The following CA10 variants were observed in gnomAD, a reference collection of about 807,000 sequenced individuals.
The protein encoded by CA10 is carbonic anhydrase 10 (inactive).
In CA10, 14 loss-of-function variants were observed where a neutral mutation model predicts 44.2. The observed-to-expected ratio is 0.32, with a 90% CI of 0.21 to 0.50. The LOEUF (loss-of-function observed/expected upper bound fraction) is 0.50, where lower values mean the gene tolerates loss of function less well. Ranked by LOEUF, CA10 falls within the 20% of genes least tolerant of loss-of-function variation. CA10 has a pLI of 0.99. For missense variants in CA10, 350 were observed against 409.7 expected (o/e 0.85, Z 1.26); for synonymous variants, 159 against 141.6 (o/e 1.12, Z -0.87).
At chr17:52,107,330 G>A (rs1228291268) in intron 1 of CA10, among the ~76,000 whole-genome samples, 1 of 152,112 alleles carries the variant, frequency 6.6e-6, no homozygotes, top group Non-Finnish European at 1.5e-5. Flanking sequence ...AATATGTTAG[G>A]ACTCAATTCA....
In CA10 at chr17:51,788,024, T is replaced by C. The variant is rs1314818758; in HGVS notation, c.280-40206A>G. ...TAGGGTTGGTTTGCTCTTGCTTTTC[T>C]AGTTCTTTAAGATACATGGTTAGGT... On this transcript the variant is annotated intron_variant, in intron 3 of 8. Transcript: ENST00000451037. Among the ~76,000 whole-genome samples, 5 of 152,202 alleles carry C rather than the reference T, an allele frequency of 3.3e-5. No individual in the cohort carries two copies. The South Asian group carries it at 8.3e-4, about 25-fold the overall frequency.
chr17:51,940,621 C>T (rs8064291), intron 2 of CA10, among the ~76,000 whole-genome samples: 20,202 of 151,282 alleles, frequency 0.13, 1,682 homozygotes, highest in South Asian at 0.3. Context: ...CCCTGATTCT[C>T]ACCAGTCTTA....
At chr17:51,790,619 T>A (rs1219538583) in intron 3 of CA10, among the ~76,000 whole-genome samples, 1 of 152,208 alleles carries the variant, frequency 6.6e-6, no homozygotes, top group Admixed American at 6.5e-5. Context: ...AGAGATTCCG[T>A]CTACTCATCT....
At chr17:51,691,004 A>G (rs1246023854) in intron 4 of CA10, among the ~76,000 whole-genome samples, 1 of 152,106 alleles carries the variant, frequency 6.6e-6, no homozygotes, top group African/African-American at 2.4e-5. Flanking sequence ...TTAATTTCAT[A>G]TCTTAGCTAT....
Position 51,905,526 on chromosome 17 carries a change from C to CTT in CA10, c.279+25462_279+25463dup, listed in dbSNP as rs34606778. 3.3e-3 allele frequency among the ~76,000 whole-genome samples: 330 copies of CTT among 99,772 alleles called. 4 individuals carry two copies. Among genetic ancestry groups the CTT allele is most frequent in the African/African-American group, 0.012 (232 of 19,834 alleles). 65.5% of individuals were successfully genotyped at this position (99,772 alleles called of 152,430 possible). On this transcript the variant is annotated intron_variant, in intron 3 of 8. Coordinates refer to ENST00000451037, the MANE Select transcript of CA10 (RefSeq NM_020178.5). ...TTATGGCCCATCATCCCTATCAGTC[C>CTT]TTTTTTTTTTTTTTTTTTTTTTTTT...
intron 3 of CA10, among the ~76,000 whole-genome samples, chr17:51,817,419 C>A (rs1907602782): frequency 6.6e-6 from 1 of 152,148 alleles, no homozygotes; most frequent in African/African-American, 2.4e-5. Flanking sequence ...CTAGGCCTTA[C>A]TTTTCTCCTG....
intron 8 of CA10, among the ~76,000 whole-genome samples, chr17:51,632,286 G>A (rs1047725355): frequency 6.6e-6 from 1 of 152,182 alleles, no homozygotes; most frequent in African/African-American, 2.4e-5. Context: ...CCAGCTAACT[G>A]ACACATGGTA....
upstream of CA10, chr17:52,159,143 C>T (rs1989888363): frequency 6.6e-6 from 1 of 151,814 alleles, no homozygotes; most frequent in Non-Finnish European, 1.5e-5. Flanking sequence ...GAGTGCTGTG[C>T]TGTGCTCTCC....
At chr17:52,082,593 G>A (rs909400867) in intron 1 of CA10, among the ~76,000 whole-genome samples, 3 of 152,056 alleles carry the variant, frequency 2.0e-5, no homozygotes, top group Admixed American at 2.0e-4. Context: ...TTAGCACAGT[G>A]AGCCAAAATC....
At chr17:51,878,283 T>A (rs908436082) in intron 3 of CA10, among the ~76,000 whole-genome samples, 35 of 152,108 alleles carry the variant, frequency 2.3e-4, no homozygotes, top group African/African-American at 7.0e-4. Flanking sequence ...GGCCTAAGAC[T>A]TAACATATTT....
chr17:51,808,418 A>G (rs1907218167), intron 3 of CA10, among the ~76,000 whole-genome samples: 2 of 152,200 alleles, frequency 1.3e-5, no homozygotes, highest in East Asian at 1.9e-4. Flanking sequence ...AGCAGTACGT[A>G]TAGCTTTTTT....
chr17:51,972,227 A>G (rs1015625168), intron 2 of CA10, among the ~76,000 whole-genome samples: 1 of 152,134 alleles, frequency 6.6e-6, no homozygotes, highest in African/African-American at 2.4e-5. Flanking sequence ...GGAAAGGTTC[A>G]GACTGAACAC....
intron 2 of CA10, among the ~76,000 whole-genome samples, chr17:51,951,407 A>T (rs918482791): frequency 6.6e-5 from 10 of 152,198 alleles, no homozygotes; most frequent in Non-Finnish European, 1.2e-4. Flanking sequence ...AAAATCATCA[A>T]AATCCTGTTC....
chr17:51,681,887 T>C (rs911780653), intron 4 of CA10, among the ~76,000 whole-genome samples: 1 of 152,326 alleles, frequency 6.6e-6, no homozygotes, highest in East Asian at 1.9e-4. Flanking sequence ...GGGTACATAT[T>C]ATTAAGCTTC....
chr17:51,798,298 A>C (rs922037104), intron 3 of CA10, among the ~76,000 whole-genome samples: 1 of 152,242 alleles, frequency 6.6e-6, no homozygotes, highest in Non-Finnish European at 1.5e-5. Flanking sequence ...GAAGACCCTA[A>C]AGCTTTAGAG....
intron 2 of CA10, among the ~76,000 whole-genome samples, chr17:51,995,521 CA>C (rs1267234390): frequency 1.3e-5 from 2 of 152,066 alleles, no homozygotes; most frequent in East Asian, 3.9e-4. Context: ...AAAACCTCAT[CA>C]GGCCACTTTA....
chr17:52,127,353 T>C (rs1311751090), intron 1 of CA10, among the ~76,000 whole-genome samples: 2 of 149,250 alleles, frequency 1.3e-5, no homozygotes. Flanking sequence ...ACCCCATTTC[T>C]GGTGGGTGGG....
At chr17:51,793,349 C>T (rs1446031298) in intron 3 of CA10, among the ~76,000 whole-genome samples, 12 of 152,166 alleles carry the variant, frequency 7.9e-5, no homozygotes, top group African/African-American at 2.7e-4. Context: ...TGCAGTTTCA[C>T]ATGATGGGGG....
chr17:51,700,297 T>A (rs1004149679), intron 4 of CA10, among the ~76,000 whole-genome samples: 1 of 152,152 alleles, frequency 6.6e-6, no homozygotes, highest in Non-Finnish European at 1.5e-5. Flanking sequence ...TTTTAAGTCA[T>A]ACTTCAGATA....
Sources: gnomAD v4.1 joint callset for allele counts (sites outside exome capture counted in the v4.1 genomes callset) on GRCh38, gnomAD v4.1.1 for gene constraint, MANE v1.5 for transcripts, NCBI Gene and HGNC (gene_info 2026-07-23, HGNC 2026-07-21) for gene names.